Variants in CD247 observed in about 807,000 individuals in gnomAD.
The protein encoded by CD247 is CD247 molecule, also known as T-cell surface glycoprotein CD3 zeta chain.
Under a neutral mutation model 30.0 loss-of-function variants are expected in CD247, and 13 were observed. That is an observed-to-expected ratio of 0.43 (90% confidence interval 0.28 to 0.69). The LOEUF is 0.69. Ranked by LOEUF, CD247 falls within the 30% of genes least tolerant of loss-of-function variation. The pLI is 0.16. For missense variants in CD247, 193 were observed against 212.6 expected, an observed-to-expected ratio of 0.91 and a Z score of 0.57; for synonymous variants, 72 against 80.0, an observed-to-expected ratio of 0.90 and a Z score of 0.53.
chr1:167,440,389 C>G, intron 2 of CD247: 1 of 509,134 alleles, frequency 2.0e-6, no homozygotes, highest in Non-Finnish European at 3.6e-6. Flanking sequence ...AGTAGCATCG[C>G]CTTCCCTGGG....
At chr1:167,505,465 G>A (rs1453742522) in intron 1 of CD247, among the ~76,000 whole-genome samples, 2 of 152,200 alleles carry the variant, frequency 1.3e-5, no homozygotes, top group African/African-American at 4.8e-5. Context: ...CTTTCTTGCT[G>A]CCTGCCTGCC....
chr1:167,472,196 G>A (rs888691612), intron 1 of CD247, among the ~76,000 whole-genome samples: 8 of 152,162 alleles, frequency 5.3e-5, no homozygotes, highest in Non-Finnish European at 8.8e-5. Flanking sequence ...GGTATATACT[G>A]TGAATATTTT....
intron 1 of CD247, among the ~76,000 whole-genome samples, chr1:167,460,091 C>T (rs996263003): frequency 1.3e-5 from 2 of 152,138 alleles, no homozygotes; most frequent in African/African-American, 4.8e-5. Context: ...CCCTAATCCT[C>T]TGAAAGTTTG....
At chr1:167,456,809 A>G (rs1230761072) in intron 1 of CD247, among the ~76,000 whole-genome samples, 2 of 152,196 alleles carry the variant, frequency 1.3e-5, no homozygotes, top group Admixed American at 1.3e-4. Flanking sequence ...GCCACACTCT[A>G]TCTCTTCTGT....
At chr1:167,518,086 C>T (rs998063841) in intron 1 of CD247, among the ~76,000 whole-genome samples, 7 of 152,166 alleles carry the variant, frequency 4.6e-5, no homozygotes, top group African/African-American at 7.2e-5. Flanking sequence ...GTGAAACACT[C>T]CCTCTCCGTT....
At position 167,439,328 on chromosome 1, in the gene CD247, G is replaced by T. The variant is rs12141641; in HGVS notation, c.219+16C>A. ...TGCCCTTCCTTTCCGGAGGGTCTACGGCGAGGCTGACTTACGTTATAGAGC... is the reference window on the plus strand; with the variant it reads ...TGCCCTTCCTTTCCGGAGGGTCTACTGCGAGGCTGACTTACGTTATAGAGC... On this transcript the variant is annotated intron_variant, in intron 3 of 7. Transcript: ENST00000362089. 189,128 of 1,611,902 alleles carry T rather than the reference G, an allele frequency of 0.12. 12,284 individuals are homozygous for T. Among genetic ancestry groups the T allele is most frequent in the East Asian group, 0.31 (13,819 of 44,818 alleles).
chr1:167,434,967 G>A (rs1234883458), intron 5 of CD247: 140 of 296,916 alleles, frequency 4.7e-4, no homozygotes, highest in Non-Finnish European at 7.7e-4. Flanking sequence ...CCTTCCTCCG[G>A]AGCCCTCCTC....
rs563648835 is a variant in CD247 at position 167,499,027 on chromosome 1, C to T, written c.58+19381G>A. On this transcript the variant is annotated intron_variant, in intron 1 of 7. Coordinates refer to ENST00000362089, the MANE Select transcript of CD247 (RefSeq NM_198053.3). ...ATCAATTGCCAGTCTTCTGGTCAAC[C>T]TAATGAGCAAAATAAAGTCAGCCTG... Among the ~76,000 whole-genome samples the T allele has an allele frequency of 1.8e-3, 274 of 152,334 alleles. 1 individual carries two copies. Among genetic ancestry groups the T allele is most frequent in the African/African-American group, 6.3e-3 (260 of 41,574 alleles).
chr1:167,433,150 AGGAAGTCAG>A, intron 6 of CD247, 91 bp from the exon 7 acceptor site: 1 of 1,268,146 alleles, frequency 7.9e-7, no homozygotes, highest in Non-Finnish European at 1.2e-6. Flanking sequence ...CAAGGTACCC[AGGAAGTCAG>A]AGGTAACTGT....
intron 1 of CD247, among the ~76,000 whole-genome samples, chr1:167,480,890 C>CT (rs1242860191): frequency 6.6e-6 from 1 of 152,106 alleles, no homozygotes; most frequent in African/African-American, 2.4e-5. Context: ...TGATAAAACT[C>CT]TAAGATTTAC....
At chr1:167,480,039 C>T (rs754424935) in intron 1 of CD247, among the ~76,000 whole-genome samples, 7 of 152,164 alleles carry the variant, frequency 4.6e-5, no homozygotes, top group Non-Finnish European at 1.0e-4. Context: ...ATCACTGTTA[C>T]TCAATGGCCA....
intron 1 of CD247, among the ~76,000 whole-genome samples, chr1:167,449,444 G>A (rs777019005): frequency 5.3e-4 from 80 of 151,568 alleles, no homozygotes; most frequent in Non-Finnish European, 9.0e-4. Flanking sequence ...GTGAGCCACC[G>A]AGCCCAGCCT....
intron 1 of CD247, among the ~76,000 whole-genome samples, chr1:167,464,206 T>C (rs1372859182): frequency 6.6e-6 from 1 of 152,090 alleles, no homozygotes; most frequent in African/African-American, 2.4e-5. Context: ...TAAATGGAAA[T>C]AAGAAGTTTC....
At chr1:167,458,001 C>T (rs1003697089) in intron 1 of CD247, among the ~76,000 whole-genome samples, 5 of 152,172 alleles carry the variant, frequency 3.3e-5, no homozygotes, top group African/African-American at 9.7e-5. Flanking sequence ...TTTCAAGAAC[C>T]TATGAGTTCG....
intron 1 of CD247, among the ~76,000 whole-genome samples, chr1:167,469,228 C>T (rs577054093): frequency 9.9e-4 from 151 of 152,222 alleles, no homozygotes; most frequent in African/African-American, 3.5e-3. Context: ...AGTGATCTGC[C>T]CCCCCTCAGC....
chr1:167,436,183 T>C (rs1412961232), intron 4 of CD247, among the ~76,000 whole-genome samples: 2 of 152,206 alleles, frequency 1.3e-5, no homozygotes, highest in African/African-American at 4.8e-5. Context: ...ATAAACATGA[T>C]ACACCACATT....
intron 1 of CD247, among the ~76,000 whole-genome samples, chr1:167,487,841 C>A (rs987756596): frequency 6.6e-6 from 1 of 152,234 alleles, no homozygotes; most frequent in African/African-American, 2.4e-5. Context: ...ATCAATCCTT[C>A]TGCCTCAGCC....
chr1:167,440,806 TGAC>T, intron 1 of CD247, 39 bp from the exon 2 acceptor site: 1 of 1,360,800 alleles, frequency 7.3e-7, no homozygotes, highest in African/African-American at 1.4e-5. Flanking sequence ...AGGCCCAAGG[TGAC>T]GAGAACACAT....
At chr1:167,437,401 G>T (rs565839190) in intron 4 of CD247, among the ~76,000 whole-genome samples, 1 of 65,028 alleles carries the variant, frequency 1.5e-5, no homozygotes, top group East Asian at 3.5e-4. Flanking sequence ...GCTAAACGCT[G>T]TCTCAAAAAA....
Sources: gnomAD v4.1 joint callset for allele counts (sites outside exome capture counted in the v4.1 genomes callset) on GRCh38, gnomAD v4.1.1 for gene constraint, MANE v1.5 for transcripts, NCBI Gene and HGNC (gene_info 2026-07-23, HGNC 2026-07-21) for gene names.